TRMU: variants seen among roughly 807,000 people sequenced by gnomAD.
TRMU encodes tRNA mitochondrial 2-thiouridylase.
In TRMU, 49 loss-of-function variants were observed where a neutral mutation model predicts 46.9. The observed-to-expected ratio is 1.05, with a 90% confidence interval of 0.83 to 1.33. The LOEUF is 1.33. TRMU is among the 40% of genes most tolerant of loss of function. The pLI, the probability that TRMU is intolerant of heterozygous loss-of-function variation, is 0.00. For missense variants in TRMU, 572 were observed against 532.4 expected (o/e 1.07, Z -0.73); for synonymous variants, 241 against 200.9 (o/e 1.20, Z -1.69).
chr22:46,341,380 A>G (rs181525806), intron 2 of TRMU, among the ~76,000 whole-genome samples: 1 of 152,356 alleles, frequency 6.6e-6, no homozygotes. Flanking sequence ...ATTAAAGCAA[A>G]ATGGAAAGAG....
In TRMU at chr22:46,352,248, CAT is replaced by C. The variant is rs1338705380; in HGVS notation, c.706-15_706-14del. The C allele has an allele frequency of 1.2e-6, 2 of 1,614,026 alleles. No homozygotes were observed. The highest frequency in any genetic ancestry group is 2.2e-5 in the East Asian group (1 of 44,896). On this transcript the variant is annotated splice_polypyrimidine_tract_variant and intron_variant, in intron 6 of 10. Coordinates refer to ENST00000645190, the MANE Select transcript of TRMU (RefSeq NM_018006.5). Reference sequence around the variant, plus strand: ...GGGCCTAGATCTCCGTCGGTAATGACATGTTTGTTTTCCAGTATCTGCAGCCT... The same window carrying C: ...GGGCCTAGATCTCCGTCGGTAATGACGTTTGTTTTCCAGTATCTGCAGCCT...
intron 10 of TRMU, chr22:46,356,502 G>C: frequency 2.3e-6 from 1 of 432,840 alleles, no homozygotes; most frequent in African/African-American, 2.0e-5. Flanking sequence ...TGAGGGAAGC[G>C]GAAGCATCCT....
rs1375537834 is a variant in TRMU at position 46,348,675 on chromosome 22, T to C, written c.479-1616T>C. On this transcript the variant is annotated intron_variant, in intron 4 of 10. Transcript: ENST00000645190. This position sits in a 1 kb window ranked among gnomAD's most constrained non-coding sequence, Gnocchi z 4.8. ...GTTGTTCATTCCTTTCTGTGCTTTT[T>C]CCTCTATAGCAGTTCAGTTAGGGTC... Among the ~76,000 whole-genome samples the C allele has an allele frequency of 6.6e-6, 1 of 152,250 alleles. No individual in the cohort carries two copies. The highest frequency in any genetic ancestry group is 2.4e-5 in the African/African-American group (1 of 41,464).
intron 8 of TRMU, chr22:46,354,078 G>A (rs916471479): frequency 1.9e-6 from 1 of 532,118 alleles, no homozygotes. Flanking sequence ...TTGTATGCTG[G>A]TCTCTTAATC....
intron 7 of TRMU, chr22:46,353,193 G>A (rs994770861): frequency 6.0e-6 from 1 of 167,434 alleles, no homozygotes. Context: ...GAGCCAGTTG[G>A]ATGACTCATG....
chr22:46,355,402 A>C, intron 8 of TRMU, 42 bp from the exon 9 acceptor site: 1 of 1,606,044 alleles, frequency 6.2e-7, no homozygotes. Context: ...CCTTGGGGCC[A>C]GGTGCCCCTC....
At chr22:46,344,601 A>G (rs2078204524) in intron 3 of TRMU, among the ~76,000 whole-genome samples, 1 of 152,046 alleles carries the variant, frequency 6.6e-6, no homozygotes, top group South Asian at 2.1e-4. Flanking sequence ...GCCTTTGGAG[A>G]GCATTAAGCT....
intron 8 of TRMU, chr22:46,355,202 T>A: frequency 1.6e-6 from 1 of 619,074 alleles, no homozygotes; most frequent in Middle Eastern, 4.4e-4. Flanking sequence ...CACCCCTGCC[T>A]CTTGCCCACT....
chr22:46,350,553 C>T lies in TRMU; in HGVS notation c.651+90C>T, dbSNP rs548364853. Reference sequence around the variant, plus strand: ...AGCTGGACCTGTGGGTCCCGCACCACTTCCCCTTCTCCAGGACCTAACATC... The same window carrying T: ...AGCTGGACCTGTGGGTCCCGCACCATTTCCCCTTCTCCAGGACCTAACATC... On this transcript the variant is annotated intron_variant, in intron 5 of 10. Transcript: ENST00000645190. This position sits in a 1 kb window ranked among gnomAD's most constrained non-coding sequence, Gnocchi z 4.6. 91 of 1,500,220 alleles carry T rather than the reference C, an allele frequency of 6.1e-5. No individual in the cohort carries two copies. Among genetic ancestry groups the T allele is most frequent in the Non-Finnish European group, 8.3e-6 (9 of 1,082,922 alleles). The allele number at this position is 1,500,220 out of a possible 1,614,324, so 92.9% of individuals were successfully genotyped here.
At chr22:46,355,310 C>T in intron 8 of TRMU, 134 bp from the exon 9 acceptor site, 1 of 1,366,708 alleles carries the variant, frequency 7.3e-7, no homozygotes, top group Non-Finnish European at 1.0e-6. Flanking sequence ...GTGGGTAGAA[C>T]ACTTCGAGCG....
Position 46,336,080 on chromosome 22 carries a change from C to T in TRMU, c.82+234C>T. The T allele has an allele frequency of 7.3e-7, 1 of 1,376,348 alleles. No individual in the cohort carries two copies. The highest frequency in any genetic ancestry group is 9.4e-7 in the Non-Finnish European group (1 of 1,068,688). The allele number at this position is 1,376,348 out of a possible 1,614,324, so 85.3% of individuals were successfully genotyped here. A position where few individuals can be genotyped will look rare whatever the true frequency, so the allele number is the denominator to read the frequency against. ...ACTACCTGGGAGCAGTTCCGCGCCCCTCTCCACCCACGCGCGCCCACCCAC... is the reference window on the plus strand; with the variant it reads ...ACTACCTGGGAGCAGTTCCGCGCCCTTCTCCACCCACGCGCGCCCACCCAC... On this transcript the variant is annotated intron_variant, in intron 1 of 10. Coordinates refer to ENST00000645190, the MANE Select transcript of TRMU (RefSeq NM_018006.5). This position sits in a 1 kb window ranked among gnomAD's most constrained non-coding sequence, Gnocchi z 4.1.
In TRMU at chr22:46,336,363, T is replaced by C; in HGVS notation, c.82+517T>C. 6.4e-6 allele frequency: 1 copy of C among 156,904 alleles called. No homozygotes were observed. Among genetic ancestry groups the C allele is most frequent in the Non-Finnish European group, 1.4e-5 (1 of 71,784 alleles). The allele number at this position is 156,904 out of a possible 1,614,324, so 9.7% of individuals were successfully genotyped here. The stretch of plus-strand genomic sequence containing the variant: ...GTTCTCCGCTCGCTGGAGGACAAAG[T>C]TTTCTCCAGGAGCATTTGCATTTCT... On this transcript the variant is annotated intron_variant, in intron 1 of 10. Transcript: ENST00000645190. This position sits in a 1 kb window ranked among gnomAD's most constrained non-coding sequence, Gnocchi z 4.1.
At chr22:46,346,398 C>A in intron 3 of TRMU, 24 bp from the exon 4 acceptor site, 1 of 1,609,196 alleles carries the variant, frequency 6.2e-7, no homozygotes, top group Non-Finnish European at 8.5e-7. Context: ...AAAACCTGAT[C>A]CTTGTGTTCT....
intron 8 of TRMU, chr22:46,354,272 C>A: frequency 3.5e-6 from 1 of 285,184 alleles, no homozygotes; most frequent in Non-Finnish European, 6.9e-6. Flanking sequence ...CAGGATCAAA[C>A]CAAGCCTTCC....
chr22:46,343,228 C>A, intron 2 of TRMU, 34 bp from the exon 3 acceptor site: 7 of 1,364,328 alleles, frequency 5.1e-6, no homozygotes, highest in Non-Finnish European at 7.3e-6. Context: ...GAATGTTTCA[C>A]ACTTGGAACT....
At position 46,349,728 on chromosome 22, in the gene TRMU, T is replaced by A. The variant is rs1371073925; in HGVS notation, c.479-563T>A. On this transcript the variant is annotated intron_variant, in intron 4 of 10. Transcript: ENST00000645190. The surrounding 1 kb of genome is among the most constrained non-coding windows in gnomAD (Gnocchi z 4.6). ...AGGAACTGCAGGGTCACCTAACAGA[T>A]GTCAGCTGAGACTCTCAACAAAAAA... 6.6e-6 allele frequency among the ~76,000 whole-genome samples: 1 copy of A among 152,218 alleles called. No individual in the cohort carries two copies. The highest frequency in any genetic ancestry group is 2.4e-5 in the African/African-American group (1 of 41,450).
intron 9 of TRMU, 173 bp downstream of exon 9, chr22:46,355,761 C>A: frequency 8.3e-7 from 1 of 1,204,494 alleles, no homozygotes; most frequent in Non-Finnish European, 1.2e-6. Flanking sequence ...TGAGCGAGGC[C>A]TGGGGGTGCT....
At chr22:46,344,884 A>G (rs1249872015) in intron 3 of TRMU, among the ~76,000 whole-genome samples, 1 of 152,164 alleles carries the variant, frequency 6.6e-6, no homozygotes, top group Non-Finnish European at 1.5e-5. Context: ...ATGTGTCTCT[A>G]AAGTGCCTTT....
rs887471461 is a variant in TRMU at position 46,338,177 on chromosome 22, G to A, written c.248+233G>A. Reference sequence around the variant, plus strand: ...ACTCCTGTCATTTTGCCACTTGCCTGAAGTCTCTTTAATGCTTTCTTGGAC... The same window carrying A: ...ACTCCTGTCATTTTGCCACTTGCCTAAAGTCTCTTTAATGCTTTCTTGGAC... On this transcript the variant is annotated intron_variant, in intron 2 of 10. Transcript: ENST00000645190. This position sits in a 1 kb window ranked among gnomAD's most constrained non-coding sequence, Gnocchi z 4.5. 3.5e-5 allele frequency: 19 copies of A among 541,196 alleles called. No homozygotes were observed. The Admixed American group carries it at 5.4e-4, about 15-fold the overall frequency. The allele number at this position is 541,196 out of a possible 1,614,324, so 33.5% of individuals were successfully genotyped here.
Sources: allele counts gnomAD v4.1 joint callset (sites outside exome capture counted in the v4.1 genomes callset), GRCh38; gene constraint gnomAD v4.1.1; non-coding constraint Gnocchi (gnomAD v3.1); transcripts MANE v1.5; gene names NCBI Gene and HGNC (gene_info 2026-07-23, HGNC 2026-07-21).